The following PPWD1 variants were observed in gnomAD, a reference collection of about 807,000 sequenced individuals.
PPWD1 encodes the protein peptidylprolyl isomerase domain and WD repeat-containing protein 1.
PPWD1 carries 43 observed loss-of-function variants against 68.8 expected under a neutral mutation model. The ratio of observed to expected loss-of-function variants is 0.62; its 90% CI spans 0.49 to 0.81. The LOEUF (loss-of-function observed/expected upper bound fraction) is 0.81. Among genes scored for constraint, PPWD1 ranks in the 30% least tolerant of loss-of-function variants. The probability of loss-of-function intolerance (pLI) is 0.00; values close to 1 mark genes in which losing one functional copy is unlikely to be tolerated. For synonymous variants in PPWD1, 232 were observed against 258.7 expected (o/e 0.90, Z 0.99); for missense variants, 672 against 804.8 (o/e 0.83, Z 2.00).
At position 65,587,278 on chromosome 5, in the gene PPWD1, T is replaced by G. The variant is rs753223962; in HGVS notation, c.1823T>G (p.Val608Gly). 70 of 1,611,282 alleles carry G rather than the reference T, an allele frequency of 4.3e-5. No individual in the cohort carries two copies. The highest frequency in any genetic ancestry group is 5.7e-5 in the Non-Finnish European group (67 of 1,178,008). The change falls in exon 11 of 11, where the codon GTA (valine) becomes GGA (glycine). Residue 608 changes from valine (V) to glycine (G), a missense_variant. Around this residue, in one of 2 missense-constraint regions of PPWD1, gnomAD observed 484 missense variants for 646.2 expected, o/e 0.75. Coordinates refer to ENST00000261308, the MANE Select transcript of PPWD1 (RefSeq NM_015342.4). ...CCTTGGCTTGATAATAAGCATACAG[T>G]ATTTGGACGAGTGACTAAAGGAATG... ...PTPWLDNKHT[V>G]FGRVTKGMEV...
chr5:65,576,217 A>T, intron 5 of PPWD1: 1 of 627,028 alleles, frequency 1.6e-6, no homozygotes, highest in Non-Finnish European at 2.0e-6. Context: ...TAGACACTTT[A>T]AAATTACCTA....
chr5:65,579,326 T>C, intron 6 of PPWD1, 98 bp from the exon 7 acceptor site: 1 of 1,358,738 alleles, frequency 7.4e-7, no homozygotes, highest in Non-Finnish European at 9.6e-7. Context: ...ATTTTGTACA[T>C]AGATAAGATA....
intron 8 of PPWD1, among the ~76,000 whole-genome samples, chr5:65,584,397 T>C (rs1234331310): frequency 6.6e-6 from 1 of 152,210 alleles, no homozygotes; most frequent in African/African-American, 2.4e-5. Flanking sequence ...CTGAGTGTGA[T>C]TGTCATTTAA....
At chr5:65,581,386 A>G (rs1199949845) in intron 7 of PPWD1, among the ~76,000 whole-genome samples, 1 of 152,146 alleles carries the variant, frequency 6.6e-6, no homozygotes, top group Non-Finnish European at 1.5e-5. Context: ...CAGGACCAAG[A>G]CCTGCCTGGG....
At position 65,579,598 on chromosome 5, in the gene PPWD1, G is replaced by A. The variant is rs201676226; in HGVS notation, c.1335G>A (p.Lys445=). The A allele has an allele frequency of 3.1e-4, 493 of 1,568,424 alleles. No homozygotes were observed. The highest frequency in any genetic ancestry group is 4.2e-4 in the Non-Finnish European group (485 of 1,161,926). ...CAATAGTCTGTACATCATTCAAAAA[G>A]AATAGATTTTATATGGTATGTGTAA... ...DPTIVCTSFK[K]NRFYMFTKRE... The change falls in exon 7 of 11, where the codon AAG becomes AAA. Residue 445 remains lysine (K), a synonymous_variant. Coordinates refer to ENST00000261308, the MANE Select transcript of PPWD1 (RefSeq NM_015342.4).
Position 65,584,994 on chromosome 5 carries a change from T to G in PPWD1, c.1533-20T>G. The G allele has an allele frequency of 6.2e-7, 1 of 1,608,206 alleles. No individual in the cohort carries two copies. The highest frequency in any genetic ancestry group is 8.5e-7 in the Non-Finnish European group (1 of 1,177,662). ...AGATGCTCTGAATAGGTTTCATATT[T>G]GTAACATATGTCTTAATAGGTGCCC... On this transcript the variant is annotated intron_variant, in intron 8 of 10. Transcript: ENST00000261308.
In PPWD1 at chr5:65,585,014, G is replaced by A. The variant is rs1283228616; in HGVS notation, c.1533G>A (p.Glu511=). The A allele has an allele frequency of 5.6e-6, 9 of 1,609,642 alleles. No homozygotes were observed. The East Asian group carries it at 2.0e-4, about 36-fold the overall frequency. Reference sequence around the variant, plus strand: ...ATATTTGTAACATATGTCTTAATAGGTGCCCTAAGACAGTGGAAAACTTCT... The same window carrying A: ...ATATTTGTAACATATGTCTTAATAGATGCCCTAAGACAGTGGAAAACTTCT... ...GDIHTKLFPV[E]CPKTVENFCV... is the part of the protein sequence containing the mutation. Residue 511 remains glutamate, a splice_region_variant and synonymous_variant, in exon 9 of 11, where the codon GAG becomes GAA. Transcript: ENST00000261308.
intron 7 of PPWD1, among the ~76,000 whole-genome samples, chr5:65,581,788 CATT>C (rs1753611710): frequency 6.6e-6 from 1 of 152,080 alleles, no homozygotes; most frequent in South Asian, 2.1e-4. Flanking sequence ...ATACAGCTAA[CATT>C]GTTACGAATT....
At chr5:65,572,779 T>C (rs554381543) in intron 5 of PPWD1, among the ~76,000 whole-genome samples, 11 of 152,292 alleles carry the variant, frequency 7.2e-5, no homozygotes, top group African/African-American at 2.2e-4. Context: ...TGTAATTCAC[T>C]GGAGTCCTGC....
At position 65,563,485 on chromosome 5, in the gene PPWD1, A is replaced by G. The variant is rs1342401066; in HGVS notation, c.175A>G (p.Thr59Ala). Residue 59 changes from threonine to alanine, a missense_variant, in exon 1 of 11, where the codon ACA becomes GCA. By Grantham distance (58) the Thr-to-Ala change is moderately conservative. Coordinates refer to ENST00000261308, the MANE Select transcript of PPWD1 (RefSeq NM_015342.4). ...GGTTGGACCTTTACCTGTGGAGGCA[A>G]CACTGGCCAAGAAGAGGAAAGGTAG... ...RWVGPLPVEA[T>A]LAKKRKVLEF... The G allele has an allele frequency of 5.0e-6, 8 of 1,612,938 alleles. No individual in the cohort carries two copies. Among genetic ancestry groups the G allele is most frequent in the Non-Finnish European group, 6.8e-6 (8 of 1,179,626 alleles).
intron 1 of PPWD1, chr5:65,563,854 AC>A: frequency 6.8e-7 from 1 of 1,476,190 alleles, no homozygotes; most frequent in Non-Finnish European, 9.1e-7. Flanking sequence ...GCAAAAGGGT[AC>A]CAGTTCTCTT....
chr5:65,567,170 A>G (rs1285956008), intron 1 of PPWD1, among the ~76,000 whole-genome samples: 1 of 151,754 alleles, frequency 6.6e-6, no homozygotes, highest in African/African-American at 2.4e-5. Flanking sequence ...GGAACTTTTT[A>G]ATTTTTTTTC....
At chr5:65,574,919 A>G (rs187409) in intron 5 of PPWD1, among the ~76,000 whole-genome samples, 94,385 of 152,144 alleles carry the variant, frequency 0.62, 29,547 homozygotes, top group South Asian at 0.65. Flanking sequence ...GAGTTTGCCA[A>G]AAAAGCCAAC....
chr5:65,573,520 T>TC (rs1753125459), intron 5 of PPWD1, among the ~76,000 whole-genome samples: 1 of 30,946 alleles, frequency 3.2e-5, no homozygotes, highest in African/African-American at 1.8e-4. Flanking sequence ...CAGATGGTTT[T>TC]TTTTTTTTTT....
chr5:65,577,534 G>C (rs1044765157), intron 6 of PPWD1, among the ~76,000 whole-genome samples: 1 of 152,078 alleles, frequency 6.6e-6, no homozygotes, highest in Non-Finnish European at 1.5e-5. Flanking sequence ...TACTCTCACT[G>C]AATGTAAATG....
intron 1 of PPWD1, among the ~76,000 whole-genome samples, chr5:65,565,544 C>T (rs1752710070): frequency 6.6e-6 from 1 of 152,054 alleles, no homozygotes; most frequent in Non-Finnish European, 1.5e-5. Flanking sequence ...TGGCTGATGC[C>T]TGTAATCCTG....
chr5:65,579,579 T>C lies in PPWD1; in HGVS notation c.1316T>C (p.Val439Ala). The change falls in exon 7 of 11, where the codon GTC (valine) becomes GCC (alanine). Residue 439 changes from valine (V) to alanine (A), a missense_variant. This residue lies in a region of PPWD1 where 484 missense variants were observed against 646.2 expected (regional missense o/e 0.75). Coordinates refer to ENST00000261308, the MANE Select transcript of PPWD1 (RefSeq NM_015342.4). The stretch of plus-strand genomic sequence containing the variant: ...AATATTCAAGCTGACCCAACAATAG[T>C]CTGTACATCATTCAAAAAGAATAGA... ...LQNIQADPTI[V>A]CTSFKKNRFY... 6.3e-7 allele frequency: 1 copy of C among 1,592,332 alleles called. No individual in the cohort carries two copies. Among genetic ancestry groups the C allele is most frequent in the Non-Finnish European group, 8.5e-7 (1 of 1,172,366 alleles).
chr5:65,565,698 T>G (rs1752717536), intron 1 of PPWD1, among the ~76,000 whole-genome samples: 1 of 151,590 alleles, frequency 6.6e-6, no homozygotes, highest in South Asian at 2.1e-4. Flanking sequence ...ATCTCAGCTA[T>G]TCAGGAGGCT....
At chr5:65,563,546 C>A in intron 1 of PPWD1, 40 bp downstream of exon 1, 1 of 1,570,084 alleles carries the variant, frequency 6.4e-7, no homozygotes, top group South Asian at 1.2e-5. Context: ...TGGAGTGCTG[C>A]GTCCGCTGAG....
Sources: gnomAD v4.1 joint callset for allele counts (sites outside exome capture counted in the v4.1 genomes callset) on GRCh38, gnomAD v4.1.1 for gene constraint, gnomAD v4.1.1 regional missense constraint, MANE v1.5 for transcripts, NCBI Gene and HGNC (gene_info 2026-07-23, HGNC 2026-07-21) for gene names.